The following SORCS3 variants were observed in gnomAD, a reference collection of about 807,000 sequenced individuals.
The protein encoded by SORCS3 is VPS10 domain-containing receptor SorCS3.
Under a neutral mutation model 146.3 loss-of-function variants are expected in SORCS3, and 57 were observed. The observed-to-expected ratio is 0.39, with a 90% CI of 0.31 to 0.49. SORCS3 has a LOEUF of 0.49. Among genes scored for constraint, SORCS3 ranks in the 20% least tolerant of loss-of-function variants. The pLI is 0.92. For missense variants in SORCS3, 1,341 were observed against 1,575.5 expected (o/e 0.85, Z 2.52); for synonymous variants, 653 against 618.5 (o/e 1.06, Z -0.83).
At chr10:104,689,594 T>C (rs2016089266) in intron 1 of SORCS3, among the ~76,000 whole-genome samples, 1 of 152,212 alleles carries the variant, frequency 6.6e-6, no homozygotes, top group Non-Finnish European at 1.5e-5. Flanking sequence ...TGACTCCCCT[T>C]ACACTGGAAA....
In SORCS3 at chr10:105,158,171, C is replaced by T. The variant is rs568589053; in HGVS notation, c.1630-721C>T. On this transcript the variant is annotated intron_variant, in intron 10 of 26. Coordinates refer to ENST00000369701, the MANE Select transcript of SORCS3 (RefSeq NM_014978.3). ...TCACAGCATGCATTTTTTTTTTCCT[C>T]AAACCTTGCCCATGGCTTCATCTTA... Among the ~76,000 whole-genome samples, 4 of 151,836 alleles carry T rather than the reference C, an allele frequency of 2.6e-5. No homozygotes were observed. In the South Asian group the frequency reaches 8.3e-4, roughly 32 times the overall value.
At chr10:104,831,968 C>A (rs919369572) in intron 1 of SORCS3, among the ~76,000 whole-genome samples, 1 of 152,136 alleles carries the variant, frequency 6.6e-6, no homozygotes, top group African/African-American at 2.4e-5. Context: ...GAGAAATATG[C>A]GTAATTGCTA....
At chr10:104,864,176 G>A (rs970846469) in intron 2 of SORCS3, among the ~76,000 whole-genome samples, 7 of 152,208 alleles carry the variant, frequency 4.6e-5, no homozygotes, top group Admixed American at 1.3e-4. Flanking sequence ...TAGGGATGTA[G>A]TATGGTTTTC....
intron 20 of SORCS3, among the ~76,000 whole-genome samples, chr10:105,225,232 A>G (rs542173090): frequency 1.4e-4 from 22 of 152,182 alleles, no homozygotes; most frequent in Non-Finnish European, 3.1e-4. Flanking sequence ...ATTTAGATCT[A>G]TGATCCATTT....
chr10:104,750,855 A>G (rs2016974774), intron 1 of SORCS3, among the ~76,000 whole-genome samples: 1 of 152,228 alleles, frequency 6.6e-6, no homozygotes, highest in South Asian at 2.1e-4. Context: ...GTGATACAAT[A>G]AGCAAAAAAA....
chr10:104,881,941 CTT>C (rs2018636624), intron 2 of SORCS3, among the ~76,000 whole-genome samples: 1 of 152,130 alleles, frequency 6.6e-6, no homozygotes, highest in East Asian at 1.9e-4. Context: ...TTTAAAAACT[CTT>C]TGCATCTTCA....
At chr10:104,727,478 T>TA (rs1279589499) in intron 1 of SORCS3, among the ~76,000 whole-genome samples, 1 of 151,678 alleles carries the variant, frequency 6.6e-6, no homozygotes, top group Admixed American at 6.6e-5. Context: ...TCCATGTCTT[T>TA]AAAAAAAACT....
At chr10:104,882,298 T>A (rs2018639641) in intron 2 of SORCS3, among the ~76,000 whole-genome samples, 1 of 152,208 alleles carries the variant, frequency 6.6e-6, no homozygotes, top group Non-Finnish European at 1.5e-5. Flanking sequence ...CACTTATTAT[T>A]TTTTTGTTTG....
intron 3 of SORCS3, among the ~76,000 whole-genome samples, chr10:104,940,256 ATTATAC>A (rs2019305721): frequency 1.7e-5 from 1 of 58,496 alleles, no homozygotes; most frequent in South Asian, 5.3e-4. Context: ...TTTTTTTTTT[ATTATAC>A]TTTAAGTTCT....
chr10:105,192,167 G>T (rs1347411625), intron 14 of SORCS3, among the ~76,000 whole-genome samples: 1 of 152,124 alleles, frequency 6.6e-6, no homozygotes, highest in Admixed American at 6.5e-5. Flanking sequence ...AAAACCGTGA[G>T]TTCTTTATGA....
chr10:104,756,703 C>T (rs542631649), intron 1 of SORCS3, among the ~76,000 whole-genome samples: 18 of 152,278 alleles, frequency 1.2e-4, no homozygotes, highest in Admixed American at 7.2e-4. Flanking sequence ...GGCATCCAGG[C>T]GGGCCTCAGA....
intron 8 of SORCS3, among the ~76,000 whole-genome samples, chr10:105,139,748 G>A (rs995977126): frequency 2.3e-4 from 35 of 152,112 alleles, no homozygotes; most frequent in African/African-American, 8.0e-4. Context: ...CCCAGGGGCA[G>A]TAATGAAAGG....
chr10:104,952,255 G>GA (rs55880149), intron 3 of SORCS3, among the ~76,000 whole-genome samples: 9,560 of 40,574 alleles, frequency 0.24, 3,059 homozygotes, highest in Non-Finnish European at 0.31. Context: ...ATGAATGTTT[G>GA]AAAAAAAAAA....
Position 104,838,936 on chromosome 10 carries a change from TG to T in SORCS3, c.628-3851del, listed in dbSNP as rs147550897. Among the ~76,000 whole-genome samples, 1,410 of 152,272 alleles carry T rather than the reference TG, an allele frequency of 9.3e-3. 17 individuals carry two copies. Among genetic ancestry groups the T allele is most frequent in the African/African-American group, 0.032 (1,333 of 41,564 alleles). On this transcript the variant is annotated intron_variant, in intron 1 of 26. Transcript: ENST00000369701. ...TCATGGAATGGGAGGAGCACTACCT[TG>T]GGGGTACTTGGTCAAGGTCAGACAT...
Position 104,984,799 on chromosome 10 carries a change from G to A in SORCS3, c.954+7306G>A, listed in dbSNP as rs138394936. The stretch of plus-strand genomic sequence containing the variant: ...CATGTGAACTTTTTGGTTTCCCCAT[G>A]CGTATAAAAGTTATTTTTATGCTAT... On this transcript the variant is annotated intron_variant, in intron 4 of 26. Transcript: ENST00000369701. 7.0e-3 allele frequency among the ~76,000 whole-genome samples: 1,069 copies of A among 152,190 alleles called. 7 individuals carry two copies. The highest frequency in any genetic ancestry group is 0.016 in the African/African-American group (659 of 41,516).
At chr10:105,160,295 T>C (rs992374476) in intron 11 of SORCS3, among the ~76,000 whole-genome samples, 1 of 152,190 alleles carries the variant, frequency 6.6e-6, no homozygotes, top group South Asian at 2.1e-4. Context: ...ACCAAAATAA[T>C]AGAATTGCAG....
At chr10:104,694,849 T>G (rs2016155212) in intron 1 of SORCS3, among the ~76,000 whole-genome samples, 1 of 152,228 alleles carries the variant, frequency 6.6e-6, no homozygotes, top group Non-Finnish European at 1.5e-5. Flanking sequence ...GATGATTATA[T>G]GAGATTATTG....
intron 25 of SORCS3, among the ~76,000 whole-genome samples, chr10:105,259,718 C>G (rs2056949922): frequency 6.6e-6 from 1 of 152,082 alleles, no homozygotes; most frequent in South Asian, 2.1e-4. Context: ...TTCTATATTC[C>G]TTCCACTGTT....
chr10:104,935,335 G>A (rs1001607219), intron 3 of SORCS3, among the ~76,000 whole-genome samples: 1 of 152,172 alleles, frequency 6.6e-6, no homozygotes, highest in African/African-American at 2.4e-5. Flanking sequence ...CAGATTTGGA[G>A]TCTGTTTCAT....
Sources: allele counts gnomAD v4.1 joint callset (sites outside exome capture counted in the v4.1 genomes callset), GRCh38; gene constraint gnomAD v4.1.1; transcripts MANE v1.5; gene names NCBI Gene and HGNC (gene_info 2026-07-23, HGNC 2026-07-21).